The following HIVEP2 variants were observed in gnomAD, a reference collection of about 807,000 sequenced individuals.
HIVEP2 encodes transcription factor HIVEP2.
A neutral mutation model predicts 180.7 loss-of-function variants in HIVEP2; 14 were observed. The observed-to-expected ratio is 0.08, with a 90% CI of 0.05 to 0.12. HIVEP2 has a LOEUF of 0.12. Ranked by LOEUF, HIVEP2 falls within the 10% of genes least tolerant of loss-of-function variation. The pLI is 1.00. For synonymous variants in HIVEP2, 1,184 were observed against 1,136.4 expected, an observed-to-expected ratio of 1.04 and a Z score of -0.84; for missense variants, 2,579 against 3,008.5, an observed-to-expected ratio of 0.86 and a Z score of 3.34.
At chr6:142,927,050 G>A (rs1006960839) in intron 1 of HIVEP2, among the ~76,000 whole-genome samples, 2 of 151,480 alleles carry the variant, frequency 1.3e-5, no homozygotes, top group South Asian at 2.1e-4. Context: ...CCCCTCTCCC[G>A]CTGGCGCTCC....
chr6:142,906,238 T>A (rs1777262647), intron 1 of HIVEP2, among the ~76,000 whole-genome samples: 1 of 152,156 alleles, frequency 6.6e-6, no homozygotes, highest in African/African-American at 2.4e-5. Flanking sequence ...CAGAAACAGA[T>A]AATCTAGATT....
chr6:142,845,875 G>T (rs746592645), intron 1 of HIVEP2, among the ~76,000 whole-genome samples: 15 of 152,344 alleles, frequency 9.8e-5, no homozygotes, highest in Non-Finnish European at 1.6e-4. Flanking sequence ...CTCGTCTTCC[G>T]CAGACACCAA....
At chr6:142,909,781 C>A (rs540235443) in intron 1 of HIVEP2, among the ~76,000 whole-genome samples, 1 of 152,186 alleles carries the variant, frequency 6.6e-6, no homozygotes, top group South Asian at 2.1e-4. Context: ...ATGGTCTCAG[C>A]CCTAGTAGAA....
chr6:142,768,779 A>G (rs557865051), intron 5 of HIVEP2, among the ~76,000 whole-genome samples: 27 of 151,732 alleles, frequency 1.8e-4, no homozygotes, highest in African/African-American at 5.5e-4. Flanking sequence ...ATAAAAATAT[A>G]TAGATACACA....
At chr6:142,908,128 T>A (rs904976788) in intron 1 of HIVEP2, among the ~76,000 whole-genome samples, 2 of 152,166 alleles carry the variant, frequency 1.3e-5, no homozygotes, top group African/African-American at 4.8e-5. Context: ...GATTCTCAGA[T>A]CCTAACCTTG....
At chr6:142,844,854 G>C (rs747586148) in intron 1 of HIVEP2, among the ~76,000 whole-genome samples, 1 of 152,160 alleles carries the variant, frequency 6.6e-6, no homozygotes, top group Non-Finnish European at 1.5e-5. Flanking sequence ...ACTTATGAAT[G>C]GTTACAAAAA....
rs375470171 is a variant in HIVEP2 at position 142,769,641 on chromosome 6, T to C, written c.5098A>G (p.Ile1700Val). Residue 1700 changes from isoleucine to valine, a missense_variant, in exon 5 of 10, where the codon ATC becomes GTC. Physicochemically the swap from Ile to Val is conservative, Grantham distance 29. Transcript: ENST00000367603. ...TLALLRSKQK[I>V]TAEIYTLAAM... is the part of the protein sequence containing the mutation. The stretch of plus-strand genomic sequence containing the variant: ...GCCAGAGTATAAATTTCTGCAGTGA[T>C]TTTTTGCTTGGACCTCAGAAGAGCC... 19 of 1,614,086 alleles carry C rather than the reference T, an allele frequency of 1.2e-5. No individual in the cohort carries two copies. The highest frequency in any genetic ancestry group is 1.6e-5 in the Non-Finnish European group (19 of 1,180,038).
rs529443547 is a variant in HIVEP2 at position 142,769,835 on chromosome 6, A to G, written c.4904T>C (p.Ile1635Thr). The G allele has an allele frequency of 1.9e-6, 3 of 1,614,204 alleles. No homozygotes were observed. The highest frequency in any genetic ancestry group is 2.2e-5 in the South Asian group (2 of 91,086). ...LLTDMADFQQ[I>T]LQFPSLRTTT... ...TGTCCGCAGACTGGGGAACTGAAGA[A>G]TCTGCTGGAAATCTGCCATGTCCGT... is the stretch of plus-strand genomic sequence containing the variant. The change falls in exon 5 of 10, where the codon ATT becomes ACT. Residue 1635 changes from isoleucine to threonine, a missense_variant. Physicochemically the swap from Ile to Thr is moderately conservative, Grantham distance 89 (BLOSUM62 -1). Around this residue, in one of 11 missense-constraint regions of HIVEP2, gnomAD observed 349 missense variants for 367.2 expected, o/e 0.95. Transcript: ENST00000367603.
intron 2 of HIVEP2, among the ~76,000 whole-genome samples, chr6:142,823,283 T>G (rs1777090246): frequency 6.6e-6 from 1 of 152,000 alleles, no homozygotes; most frequent in African/African-American, 2.4e-5. Context: ...ACAAATAAAT[T>G]CACTGAAAAA....
intron 1 of HIVEP2, among the ~76,000 whole-genome samples, chr6:142,917,404 G>C (rs1435187471): frequency 1.3e-5 from 2 of 152,196 alleles, no homozygotes; most frequent in Non-Finnish European, 2.9e-5. Context: ...CGCAGCAGAA[G>C]CAACAGGTAT....
chr6:142,871,758 C>G (rs1684008531), intron 1 of HIVEP2, among the ~76,000 whole-genome samples: 1 of 152,078 alleles, frequency 6.6e-6, no homozygotes, highest in African/African-American at 2.4e-5. Flanking sequence ...CTTAGTTTGC[C>G]TATCCCCTCC....
At chr6:142,818,724 G>A (rs1393714415) in intron 2 of HIVEP2, among the ~76,000 whole-genome samples, 2,998 of 48,298 alleles carry the variant, frequency 0.062, 66 homozygotes, top group Non-Finnish European at 0.075. Context: ...AGAAAGAAAA[G>A]AAAGAAAGAA....
chr6:142,895,202 T>A (rs1000587287), intron 1 of HIVEP2, among the ~76,000 whole-genome samples: 1 of 152,216 alleles, frequency 6.6e-6, no homozygotes, highest in South Asian at 2.1e-4. Context: ...TGCAGTCTTG[T>A]ACACTTCACA....
At chr6:142,931,923 A>G (rs1176027187) in intron 1 of HIVEP2, among the ~76,000 whole-genome samples, 1 of 152,128 alleles carries the variant, frequency 6.6e-6, no homozygotes, top group Non-Finnish European at 1.5e-5. Context: ...ACATTTACTT[A>G]ATACATATTT....
At chr6:142,758,006 T>C (rs1032486157) in intron 9 of HIVEP2, among the ~76,000 whole-genome samples, 1 of 151,374 alleles carries the variant, frequency 6.6e-6, no homozygotes, top group African/African-American at 2.4e-5. Context: ...GCTGCAGGGA[T>C]GGCAGGGAGA....
chr6:142,784,290 G>A (rs1775929535), intron 2 of HIVEP2, among the ~76,000 whole-genome samples: 1 of 151,924 alleles, frequency 6.6e-6, no homozygotes, highest in South Asian at 2.1e-4. Flanking sequence ...ACCCATAATC[G>A]TATATTTGTT....
intron 9 of HIVEP2, 94 bp downstream of exon 9, chr6:142,759,678 T>C: frequency 2.1e-6 from 2 of 951,320 alleles, no homozygotes; most frequent in Non-Finnish European, 1.6e-6. Flanking sequence ...CCATGACAGA[T>C]ACCCATGTTC....
chr6:142,868,915 G>A (rs1178136232), intron 1 of HIVEP2, among the ~76,000 whole-genome samples: 1 of 152,118 alleles, frequency 6.6e-6, no homozygotes, highest in Non-Finnish European at 1.5e-5. Flanking sequence ...CTCCTTTTTA[G>A]TGTAAGTCTG....
chr6:142,856,599 G>T (rs568799109), intron 1 of HIVEP2, among the ~76,000 whole-genome samples: 1 of 152,232 alleles, frequency 6.6e-6, no homozygotes, highest in Non-Finnish European at 1.5e-5. Flanking sequence ...AAAGAGAAGC[G>T]TGAGTAATTT....
Sources: gnomAD v4.1 joint callset for allele counts (sites outside exome capture counted in the v4.1 genomes callset) on GRCh38, gnomAD v4.1.1 for gene constraint, gnomAD v4.1.1 regional missense constraint, MANE v1.5 for transcripts, NCBI Gene and HGNC (gene_info 2026-07-23, HGNC 2026-07-21) for gene names.